PDGFC: variants seen among roughly 807,000 people sequenced by gnomAD.
PDGFC encodes the protein platelet derived growth factor C.
A neutral mutation model predicts 35.5 loss-of-function variants in PDGFC; 12 were observed. The ratio of observed to expected loss-of-function variants is 0.34; its 90% CI spans 0.22 to 0.55. The LOEUF (loss-of-function observed/expected upper bound fraction) is 0.55. Among genes scored for constraint, PDGFC ranks in the 20% least tolerant of loss-of-function variants. PDGFC has a pLI of 0.91. For synonymous variants in PDGFC, 159 were observed against 148.8 expected, an observed-to-expected ratio of 1.07 and a Z score of -0.50; for missense variants, 322 against 412.4, an observed-to-expected ratio of 0.78 and a Z score of 1.90.
At position 156,935,492 on chromosome 4, in the gene PDGFC, G is replaced by A. The variant is rs1432725181; in HGVS notation, c.118+35294C>T. Among the ~76,000 whole-genome samples the A allele has an allele frequency of 2.6e-5, 4 of 152,092 alleles. No individual in the cohort carries two copies. In the East Asian group the frequency reaches 7.7e-4, roughly 29 times the overall value. On this transcript the variant is annotated intron_variant, in intron 1 of 5. Transcript: ENST00000502773. ...TCCACCAGCATCACCACAAACATGT[G>A]AGTAATACACTGCACTACAACATTA...
At chr4:156,914,215 C>A (rs1032629367) in intron 1 of PDGFC, among the ~76,000 whole-genome samples, 2 of 152,134 alleles carry the variant, frequency 1.3e-5, no homozygotes, top group African/African-American at 4.8e-5. Context: ...CTCAAAAACT[C>A]TCTCAGTTGT....
intron 3 of PDGFC, among the ~76,000 whole-genome samples, chr4:156,776,687 C>T (rs1462411578): frequency 6.6e-6 from 1 of 152,168 alleles, no homozygotes; most frequent in Non-Finnish European, 1.5e-5. Context: ...GATAAGGATC[C>T]TATGCAAAAT....
chr4:156,932,579 AGTTCAT>A (rs906398785), intron 1 of PDGFC, among the ~76,000 whole-genome samples: 2 of 152,072 alleles, frequency 1.3e-5, no homozygotes, highest in African/African-American at 2.4e-5. Context: ...AAAAATGATG[AGTTCAT>A]GTCCTTTGTA....
In PDGFC at chr4:156,763,022, T is replaced by A. The variant is rs1045875885; in HGVS notation, c.*68A>T. 1 of 804,878 alleles carries A rather than the reference T, an allele frequency of 1.2e-6. No homozygotes were observed. Among genetic ancestry groups the A allele is most frequent in the Non-Finnish European group, 2.2e-6 (1 of 448,072 alleles). The allele number at this position is 804,878 out of a possible 1,614,324, so 49.9% of individuals were successfully genotyped here. On this transcript the variant is annotated 3_prime_UTR_variant, in exon 6 of 6. Transcript: ENST00000502773. ...TGAGATTAAGGATGGAGATAACGCA[T>A]ACGTTCTCTAATAGAATCAGCCACT...
intron 2 of PDGFC, among the ~76,000 whole-genome samples, chr4:156,842,470 A>C (rs1008652984): frequency 6.6e-6 from 1 of 152,090 alleles, no homozygotes; most frequent in African/African-American, 2.4e-5. Flanking sequence ...AAAACATAAC[A>C]AAATCCCTCC....
At chr4:156,812,788 A>C (rs970807063) in intron 2 of PDGFC, among the ~76,000 whole-genome samples, 2 of 152,114 alleles carry the variant, frequency 1.3e-5, no homozygotes, top group African/African-American at 2.4e-5. Context: ...ATGGGACAGC[A>C]CATGTGCAGC....
At chr4:156,915,623 T>C (rs958329034) in intron 1 of PDGFC, among the ~76,000 whole-genome samples, 2 of 152,154 alleles carry the variant, frequency 1.3e-5, no homozygotes. Context: ...TGAAAACTCA[T>C]TTCTACTAAA....
At chr4:156,769,039 A>C (rs1384983421) in intron 4 of PDGFC, among the ~76,000 whole-genome samples, 1 of 151,920 alleles carries the variant, frequency 6.6e-6, no homozygotes, top group African/African-American at 2.4e-5. Context: ...TATTCAAATA[A>C]AGCAATTCCA....
chr4:156,971,474 C>A lies in PDGFC; in HGVS notation c.-571G>T. The A allele has an allele frequency of 6.0e-6, 1 of 165,406 alleles. No homozygotes were observed. The highest frequency in any genetic ancestry group is 1.3e-5 in the Non-Finnish European group (1 of 79,004). 10.2% of individuals were successfully genotyped at this position (165,406 alleles called of 1,614,324 possible). A position where few individuals can be genotyped will look rare whatever the true frequency, so the allele number is the denominator to read the frequency against. ...GGCGAGGGCGCCGCGGCGGGTCCCA[C>A]GGGCCGGGGCGCCGGAGCGGGGCCG... is the stretch of plus-strand genomic sequence containing the variant. On this transcript the variant is annotated 5_prime_UTR_variant, in exon 1 of 6. Coordinates refer to ENST00000502773, the MANE Select transcript of PDGFC (RefSeq NM_016205.3).
chr4:156,862,181 A>C (rs552924035), intron 1 of PDGFC, among the ~76,000 whole-genome samples: 1 of 152,346 alleles, frequency 6.6e-6, no homozygotes, highest in African/African-American at 2.4e-5. Flanking sequence ...CAAAGGTGCA[A>C]CCATTTTATA....
chr4:156,799,452 T>G (rs559016204), intron 3 of PDGFC, among the ~76,000 whole-genome samples: 1 of 152,300 alleles, frequency 6.6e-6, no homozygotes, highest in South Asian at 2.1e-4. Flanking sequence ...AAACTTACTG[T>G]AGGAGTGCCT....
At chr4:156,804,311 A>G (rs1370070118) in intron 3 of PDGFC, among the ~76,000 whole-genome samples, 2 of 152,098 alleles carry the variant, frequency 1.3e-5, no homozygotes, top group Non-Finnish European at 2.9e-5. Context: ...ATCTCCAAGC[A>G]TATCTGATGA....
intron 1 of PDGFC, among the ~76,000 whole-genome samples, chr4:156,912,165 C>A (rs1362531424): frequency 1.3e-5 from 2 of 152,054 alleles, no homozygotes; most frequent in Non-Finnish European, 2.9e-5. Context: ...GTATTCACTT[C>A]TTAGAGCACT....
chr4:156,944,528 A>C (rs1731889804), intron 1 of PDGFC, among the ~76,000 whole-genome samples: 1 of 152,130 alleles, frequency 6.6e-6, no homozygotes, highest in Admixed American at 6.6e-5. Flanking sequence ...CACCATCACA[A>C]TCAATTCATG....
In PDGFC at chr4:156,897,704, A is replaced by G. The variant is rs553145042; in HGVS notation, c.119-47288T>C. 2.6e-4 allele frequency among the ~76,000 whole-genome samples: 39 copies of G among 152,308 alleles called. No individual in the cohort carries two copies. In the South Asian group the frequency reaches 8.1e-3, roughly 32 times the overall value. ...GCATTTTTATGTCTACATGTTACTG[A>G]TAACTGAAATTATTTCAACTTTTAG... On this transcript the variant is annotated intron_variant, in intron 1 of 5. Coordinates refer to ENST00000502773, the MANE Select transcript of PDGFC (RefSeq NM_016205.3).
intron 1 of PDGFC, among the ~76,000 whole-genome samples, chr4:156,872,200 CTAATA>C (rs1560850829): frequency 6.6e-6 from 1 of 151,978 alleles, no homozygotes; most frequent in Admixed American, 6.6e-5. Context: ...TTAATATATG[CTAATA>C]TAATATACTT....
chr4:156,806,376 T>A (rs555150998), intron 3 of PDGFC, among the ~76,000 whole-genome samples: 128 of 152,048 alleles, frequency 8.4e-4, no homozygotes, highest in South Asian at 1.4e-3. Context: ...AAAAAGTAAA[T>A]AAATTATTGT....
chr4:156,942,891 T>A (rs988798235), intron 1 of PDGFC, among the ~76,000 whole-genome samples: 2 of 152,062 alleles, frequency 1.3e-5, no homozygotes, highest in African/African-American at 2.4e-5. Context: ...AGATTTCTGC[T>A]TAGTAATATG....
chr4:156,913,233 T>G (rs1731079571), intron 1 of PDGFC, among the ~76,000 whole-genome samples: 1 of 152,228 alleles, frequency 6.6e-6, no homozygotes, highest in African/African-American at 2.4e-5. Flanking sequence ...AACAAAATTT[T>G]CTATATCTTG....
Sources: allele counts gnomAD v4.1 joint callset (sites outside exome capture counted in the v4.1 genomes callset), GRCh38; gene constraint gnomAD v4.1.1; transcripts MANE v1.5; gene names NCBI Gene and HGNC (gene_info 2026-07-23, HGNC 2026-07-21).